The following PFKP variants were observed in gnomAD, a reference collection of about 807,000 sequenced individuals.
PFKP encodes the protein phosphofructokinase, platelet.
A neutral mutation model predicts 94.3 loss-of-function variants in PFKP; 101 were observed. That is an observed-to-expected ratio of 1.07 (90% CI 0.91 to 1.26). The LOEUF (loss-of-function observed/expected upper bound fraction) is 1.26. Ranked by LOEUF, PFKP falls within the 50% of genes most tolerant of loss-of-function variation. The probability of loss-of-function intolerance (pLI) is 0.00; values close to 1 mark genes in which losing one functional copy is unlikely to be tolerated. For missense variants in PFKP, 1,145 were observed against 1,103.3 expected (o/e 1.04, Z -0.53); for synonymous variants, 573 against 432.6 (o/e 1.32, Z -4.03).
In PFKP at chr10:3,134,588, G is replaced by A. The variant is rs760152581; in HGVS notation, c.2122+6G>A. 1.1e-5 allele frequency: 18 copies of A among 1,597,180 alleles called. No individual in the cohort carries two copies. The highest frequency in any genetic ancestry group is 6.6e-5 in the South Asian group (6 of 90,724). On this transcript the variant is annotated splice_donor_region_variant and intron_variant, in intron 20 of 21. Transcript: ENST00000381125. ...CAAGGAGGCCCGGGGCAGAGGTAAG[G>A]GGTCTGGGGAGGGAGGCCACAGCCT...
chr10:3,121,091 A>G (rs7082863), intron 16 of PFKP, among the ~76,000 whole-genome samples: 70,375 of 152,144 alleles, frequency 0.46, 16,222 homozygotes, highest in Non-Finnish European at 0.48. Context: ...CATACAGCTC[A>G]TATGGTAAGT....
At position 3,101,409 on chromosome 10, in the gene PFKP, G is replaced by A. The variant is rs774529801; in HGVS notation, c.309G>A (p.Thr103=). ...IGSARCQAFR[T]REGRLKAACN... ...GTGCGCGGTGCCAGGCCTTCCGCAC[G>A]CGGGAAGGCCGCCTGAAGGCTGCTT... Residue 103 remains threonine (T), a synonymous_variant, in exon 4 of 22, where the codon ACG becomes ACA. Transcript: ENST00000381125. 26 of 1,604,296 alleles carry A rather than the reference G, an allele frequency of 1.6e-5. No homozygotes were observed. In the Admixed American group the frequency reaches 1.9e-4, roughly 12 times the overall value.
intron 2 of PFKP, 68 bp downstream of exon 2, chr10:3,082,529 C>T (rs996542724): frequency 1.1e-5 from 12 of 1,139,692 alleles, no homozygotes; most frequent in African/African-American, 3.1e-5. Flanking sequence ...GTCACCGGCG[C>T]TCGCTCACCC....
At chr10:3,087,984 C>CTTTTTTTTTTTTT (rs1224829610) in intron 2 of PFKP, among the ~76,000 whole-genome samples, 20 of 96,580 alleles carry the variant, frequency 2.1e-4, no homozygotes, top group African/African-American at 5.5e-4. Flanking sequence ...ATCTTTCATT[C>CTTTTTTTTTTTTT]TTTTTTTTTT....
In PFKP at chr10:3,101,399, C is replaced by A. The variant is rs770491812; in HGVS notation, c.299C>A (p.Ala100Asp). 1.1e-5 allele frequency: 17 copies of A among 1,600,462 alleles called. No homozygotes were observed. The highest frequency in any genetic ancestry group is 2.3e-5 in the East Asian group (1 of 44,174). The change falls in exon 4 of 22, where the codon GCC becomes GAC. Residue 100 changes from alanine to aspartate, a missense_variant. Ala to Asp is a moderately radical substitution (Grantham distance 126). Coordinates refer to ENST00000381125, the MANE Select transcript of PFKP (RefSeq NM_002627.5). ...ATCATTGGCAGTGCGCGGTGCCAGG[C>A]CTTCCGCACGCGGGAAGGCCGCCTG... Reference protein sequence around the residue: ...GTIIGSARCQAFRTREGRLKA... With the variant: ...GTIIGSARCQDFRTREGRLKA...
intron 16 of PFKP, among the ~76,000 whole-genome samples, chr10:3,124,182 C>T (rs1402661071): frequency 6.6e-6 from 1 of 152,186 alleles, no homozygotes; most frequent in Non-Finnish European, 1.5e-5. Context: ...GGGCGCCGCC[C>T]TGTGTCCCAC....
chr10:3,113,097 C>G (rs776011204), intron 11 of PFKP, 22 bp from the exon 12 acceptor site: 2 of 1,608,804 alleles, frequency 1.2e-6, no homozygotes. Flanking sequence ...GACTCCGGTC[C>G]AACGACACCC....
intron 16 of PFKP, among the ~76,000 whole-genome samples, chr10:3,120,829 G>T (rs1837330053): frequency 6.6e-6 from 1 of 152,088 alleles, no homozygotes. Flanking sequence ...CCGGCTAAAA[G>T]AAATATACAC....
Position 3,099,265 on chromosome 10 carries a change from TC to T in PFKP, c.187-9del. 7 of 1,605,482 alleles carry T rather than the reference TC, an allele frequency of 4.4e-6. No homozygotes were observed. Among genetic ancestry groups the T allele is most frequent in the Non-Finnish European group, 6.0e-6 (7 of 1,172,426 alleles). ...TCTCATTTTTAAAAGATTCTCCCTTTCTCCCCTAGGGCTACCAGGGCATGGT... is the reference window on the plus strand; with the variant it reads ...TCTCATTTTTAAAAGATTCTCCCTTTTCCCCTAGGGCTACCAGGGCATGGT... On this transcript the variant is annotated splice_polypyrimidine_tract_variant and intron_variant, in intron 2 of 21. Coordinates refer to ENST00000381125, the MANE Select transcript of PFKP (RefSeq NM_002627.5).
chr10:3,133,976 AATGAGCTGCACACAGGCACACACGTGTT>A (rs1228811768), intron 19 of PFKP, among the ~76,000 whole-genome samples: 3 of 152,358 alleles, frequency 2.0e-5, no homozygotes, highest in East Asian at 1.9e-4. Context: ...AATGACCTGG[AATGAGCTGCACACAGGCACACACGTGTT>A]ATGAGCTGAG....
intron 1 of PFKP, among the ~76,000 whole-genome samples, chr10:3,074,162 A>G (rs950740608): frequency 6.6e-6 from 1 of 152,160 alleles, no homozygotes; most frequent in Non-Finnish European, 1.5e-5. Flanking sequence ...TTCTGTAATC[A>G]TTGTGCATGT....
intron 13 of PFKP, among the ~76,000 whole-genome samples, chr10:3,113,843 C>T (rs186639384): frequency 1.4e-4 from 21 of 152,002 alleles, no homozygotes; most frequent in Non-Finnish European, 2.9e-4. Context: ...TTGTTTAAAC[C>T]GGGCACTGGA....
intron 1 of PFKP, among the ~76,000 whole-genome samples, chr10:3,081,991 T>A (rs1329403188): frequency 7.0e-6 from 1 of 142,456 alleles, no homozygotes; most frequent in Non-Finnish European, 1.5e-5. Context: ...TTTTTTTTTT[T>A]TTTTTTTTTT....
chr10:3,115,947 G>A (rs563833267), intron 13 of PFKP, among the ~76,000 whole-genome samples: 7 of 152,252 alleles, frequency 4.6e-5, no homozygotes, highest in African/African-American at 7.2e-5. Flanking sequence ...CCATCCACCC[G>A]CATCTCAGCA....
Position 3,067,653 on chromosome 10 carries a change from C to T in PFKP, c.58C>T (p.Leu20Phe). ...CTCCTTGCGGAAGTTCCTGGAGCAC[C>T]TCTCCGGGGCCGGCAAGGCCATCGG... The part of the protein sequence containing the change: ...KGSLRKFLEH[L>F]SGAGKAIGVL... Residue 20 changes from leucine (L) to phenylalanine (F), a missense_variant, in exon 1 of 22, where the codon CTC (leucine) becomes TTC (phenylalanine). Transcript: ENST00000381125. The T allele has an allele frequency of 3.9e-6, 6 of 1,535,078 alleles. No homozygotes were observed. The highest frequency in any genetic ancestry group is 1.2e-5 in the South Asian group (1 of 83,050).
intron 5 of PFKP, chr10:3,104,888 G>A (rs1048252651): frequency 4.9e-6 from 3 of 611,384 alleles, no homozygotes; most frequent in Non-Finnish European, 8.7e-6. Context: ...GCGCAGAGGT[G>A]GCTCAAGTCC....
chr10:3,077,407 G>A (rs1164066176), intron 1 of PFKP, among the ~76,000 whole-genome samples: 3 of 151,104 alleles, frequency 2.0e-5, no homozygotes, highest in East Asian at 1.9e-4. Context: ...GACTGCAGGC[G>A]CTCACCACCA....
In PFKP at chr10:3,069,036, C is replaced by T. The variant is rs1378974130; in HGVS notation, c.112+1329C>T. 2.0e-5 allele frequency among the ~76,000 whole-genome samples: 3 copies of T among 151,202 alleles called. No homozygotes were observed. In the South Asian group the frequency reaches 6.2e-4, roughly 31 times the overall value. ...GAGGCGCTGTGGGCGCCGCCCCGCC[C>T]GCCACGAGCGCCTACGTGATGCCCG... is the stretch of plus-strand genomic sequence containing the variant. On this transcript the variant is annotated intron_variant, in intron 1 of 21. Coordinates refer to ENST00000381125, the MANE Select transcript of PFKP (RefSeq NM_002627.5).
chr10:3,113,590 G>T, intron 13 of PFKP, 72 bp downstream of exon 13: 1 of 1,410,588 alleles, frequency 7.1e-7, no homozygotes, highest in Non-Finnish European at 9.7e-7. Context: ...CGGCGGGGGG[G>T]TGCCCTCCAT....
Sources: gnomAD v4.1 joint callset for allele counts (sites outside exome capture counted in the v4.1 genomes callset) on GRCh38, gnomAD v4.1.1 for gene constraint, MANE v1.5 for transcripts, NCBI Gene and HGNC (gene_info 2026-07-23, HGNC 2026-07-21) for gene names.